The following MTHFD1L variants were observed in gnomAD, a reference collection of about 807,000 sequenced individuals.
The protein encoded by MTHFD1L is methylenetetrahydrofolate dehydrogenase (NADP+ dependent) 1 like.
A neutral mutation model predicts 119.5 loss-of-function variants in MTHFD1L; 81 were observed. That is an observed-to-expected ratio of 0.68 (90% CI 0.57 to 0.82). The LOEUF is 0.82. Ranked by LOEUF, MTHFD1L falls within the 40% of genes least tolerant of loss-of-function variation. The pLI, the probability that MTHFD1L is intolerant of heterozygous loss-of-function variation, is 0.00. For synonymous variants in MTHFD1L, 430 were observed against 475.2 expected (o/e 0.90, Z 1.24); for missense variants, 1,125 against 1,253.4 (o/e 0.90, Z 1.55).
At chr6:151,055,532 T>G (rs112336073) in intron 26 of MTHFD1L, among the ~76,000 whole-genome samples, 13 of 151,272 alleles carry the variant, frequency 8.6e-5, no homozygotes, top group African/African-American at 2.4e-4. Flanking sequence ...TTTTTTTTTT[T>G]TTTTTGTTTT....
At chr6:150,945,747 G>A (rs1048230096) in intron 15 of MTHFD1L, among the ~76,000 whole-genome samples, 1 of 152,162 alleles carries the variant, frequency 6.6e-6, no homozygotes, top group South Asian at 2.1e-4. Flanking sequence ...AGAGCCAGGT[G>A]GACAAATTAA....
Position 151,056,398 on chromosome 6 carries a change from C to T in MTHFD1L, c.2847+19281C>T, listed in dbSNP as rs575586936. 2.0e-5 allele frequency among the ~76,000 whole-genome samples: 3 copies of T among 152,288 alleles called. No homozygotes were observed. The South Asian group carries it at 6.2e-4, about 32-fold the overall frequency. On this transcript the variant is annotated intron_variant, in intron 26 of 27. Coordinates refer to ENST00000367321, the MANE Select transcript of MTHFD1L (RefSeq NM_015440.5). ...ATGGCAGAGTGGATTCACTCCATGC[C>T]ATTGCCAGAGAATAGGACTTTGAAC...
In MTHFD1L at chr6:150,996,834, A is replaced by G. The variant is rs180736893; in HGVS notation, c.2126-12985A>G. On this transcript the variant is annotated intron_variant, in intron 20 of 27. Coordinates refer to ENST00000367321, the MANE Select transcript of MTHFD1L (RefSeq NM_015440.5). ...TGTAGAAGCAGGTTCCTCTGATGGC[A>G]GAGGCCCTCTGTTTATCTCTGAAAG... is the stretch of plus-strand genomic sequence containing the variant. 1.5e-3 allele frequency among the ~76,000 whole-genome samples: 222 copies of G among 152,290 alleles called. 1 individual carries two copies. Among genetic ancestry groups the G allele is most frequent in the Admixed American group, 2.7e-3 (41 of 15,304 alleles).
In MTHFD1L at chr6:151,003,253, C is replaced by T. The variant is rs189692381; in HGVS notation, c.2126-6566C>T. On this transcript the variant is annotated intron_variant, in intron 20 of 27. Coordinates refer to ENST00000367321, the MANE Select transcript of MTHFD1L (RefSeq NM_015440.5). ...ACACATTAAAAACAGAAAAGTTGGC[C>T]GGGCGCCGTGGCTCACGCCTGTAAT... is the stretch of plus-strand genomic sequence containing the variant. Among the ~76,000 whole-genome samples, 416 of 152,232 alleles carry T rather than the reference C, an allele frequency of 2.7e-3. 1 individual carries two copies. Among genetic ancestry groups the T allele is most frequent in the Non-Finnish European group, 4.9e-3 (334 of 68,014 alleles).
At chr6:151,082,577 GA>G (rs983246603) in intron 26 of MTHFD1L, among the ~76,000 whole-genome samples, 5 of 151,010 alleles carry the variant, frequency 3.3e-5, no homozygotes, top group Admixed American at 2.0e-4. Context: ...AGATATAGAA[GA>G]TTTTTTTTTT....
intron 20 of MTHFD1L, among the ~76,000 whole-genome samples, chr6:150,996,036 C>T (rs554933740): frequency 1.4e-4 from 21 of 152,156 alleles, no homozygotes; most frequent in Non-Finnish European, 2.4e-4. Flanking sequence ...AAAAAATGCT[C>T]ATCCCTGCTT....
intron 26 of MTHFD1L, among the ~76,000 whole-genome samples, chr6:151,084,970 GAA>G (rs3055594): frequency 0.016 from 1,919 of 120,112 alleles, 17 homozygotes; most frequent in South Asian, 0.033. Context: ...CCATCTCAAA[GAA>G]AAAAAAAAAA....
chr6:150,883,888 G>A (rs568277985), intron 5 of MTHFD1L, among the ~76,000 whole-genome samples: 67 of 152,234 alleles, frequency 4.4e-4, no homozygotes, highest in African/African-American at 1.5e-3. Context: ...TTCCAGATCC[G>A]GTAGACCCTG....
At chr6:151,093,657 A>G (rs1374525981) in intron 27 of MTHFD1L, among the ~76,000 whole-genome samples, 1 of 144,976 alleles carries the variant, frequency 6.9e-6, no homozygotes, top group Non-Finnish European at 1.5e-5. Flanking sequence ...CTCTCCTTCT[A>G]AAAAAAAAAA....
intron 26 of MTHFD1L, among the ~76,000 whole-genome samples, chr6:151,047,374 A>G (rs1290900961): frequency 6.6e-6 from 1 of 152,240 alleles, no homozygotes; most frequent in Non-Finnish European, 1.5e-5. Flanking sequence ...ACATCAGGCT[A>G]TACTCACTGG....
At chr6:151,032,333 C>CG (rs1468900313) in intron 24 of MTHFD1L, among the ~76,000 whole-genome samples, 2 of 151,998 alleles carry the variant, frequency 1.3e-5, no homozygotes, top group Non-Finnish European at 1.5e-5. Flanking sequence ...AAGGTGAAGG[C>CG]GGGGGGAGCC....
chr6:150,953,578 G>A (rs987710609), intron 16 of MTHFD1L, among the ~76,000 whole-genome samples: 8 of 152,056 alleles, frequency 5.3e-5, no homozygotes. Context: ...CACTAACTTA[G>A]GGTTACTTTC....
intron 4 of MTHFD1L, among the ~76,000 whole-genome samples, chr6:150,882,257 G>A (rs772110098): frequency 8.5e-5 from 13 of 152,214 alleles, no homozygotes; most frequent in Non-Finnish European, 1.6e-4. Flanking sequence ...CAGATAACCC[G>A]AGGGCCTCTG....
intron 24 of MTHFD1L, among the ~76,000 whole-genome samples, chr6:151,030,444 T>C (rs1785173390): frequency 6.6e-6 from 1 of 152,252 alleles, no homozygotes; most frequent in African/African-American, 2.4e-5. Context: ...GGACTTGCCC[T>C]GCGGCTTCTT....
At chr6:151,098,768 G>GCT (rs1288112696) in intron 27 of MTHFD1L, among the ~76,000 whole-genome samples, 1 of 152,150 alleles carries the variant, frequency 6.6e-6, no homozygotes, top group Non-Finnish European at 1.5e-5. Context: ...CAACGCATAA[G>GCT]CAATAAACAA....
At chr6:150,923,667 G>T (rs913384836) in intron 10 of MTHFD1L, among the ~76,000 whole-genome samples, 12 of 150,302 alleles carry the variant, frequency 8.0e-5, no homozygotes, top group African/African-American at 2.7e-4. Flanking sequence ...CCGCACCGGG[G>T]CTGACTCATT....
At chr6:151,051,776 C>T (rs77866134) in intron 26 of MTHFD1L, among the ~76,000 whole-genome samples, 4,891 of 152,316 alleles carry the variant, frequency 0.032, 156 homozygotes, top group Admixed American at 0.098. Flanking sequence ...TGTTCAAATA[C>T]GGCAGAGACC....
intron 25 of MTHFD1L, 77 bp from the exon 26 acceptor site, chr6:151,036,888 C>T (rs185849173): frequency 3.3e-6 from 5 of 1,506,898 alleles, no homozygotes; most frequent in African/African-American, 1.4e-5. Flanking sequence ...GCTGCCGAGA[C>T]TGTATAAAGT....
chr6:151,028,710 G>A (rs1410509262), intron 24 of MTHFD1L, among the ~76,000 whole-genome samples: 1 of 152,160 alleles, frequency 6.6e-6, no homozygotes, highest in Non-Finnish European at 1.5e-5. Flanking sequence ...AATACAGAGA[G>A]TTCTGGAGGT....
Sources: gnomAD v4.1 joint callset for allele counts (sites outside exome capture counted in the v4.1 genomes callset) on GRCh38, gnomAD v4.1.1 for gene constraint, MANE v1.5 for transcripts, NCBI Gene and HGNC (gene_info 2026-07-23, HGNC 2026-07-21) for gene names.